The following OSBPL10 variants were observed in gnomAD, a reference collection of about 807,000 sequenced individuals.
The protein encoded by OSBPL10 is oxysterol binding protein like 10.
A neutral mutation model predicts 81.7 loss-of-function variants in OSBPL10; 49 were observed. That is an observed-to-expected ratio of 0.60 (90% CI 0.48 to 0.76). OSBPL10 has a LOEUF of 0.76. OSBPL10 is among the 30% of genes least tolerant of loss of function. The pLI, the probability that OSBPL10 is intolerant of heterozygous loss-of-function variation, is 0.00. For synonymous variants in OSBPL10, 419 were observed against 383.6 expected (o/e 1.09, Z -1.08); for missense variants, 923 against 987.8 (o/e 0.93, Z 0.88).
chr3:32,026,231 A>T (rs1699411936), intron 2 of OSBPL10, among the ~76,000 whole-genome samples: 1 of 152,172 alleles, frequency 6.6e-6, no homozygotes, highest in Admixed American at 6.6e-5. Context: ...TTAAACTGCT[A>T]GGCTCAGTGG....
chr3:31,939,825 T>C (rs1438777243), intron 1 of OSBPL10, among the ~76,000 whole-genome samples: 1 of 152,124 alleles, frequency 6.6e-6, no homozygotes, highest in Non-Finnish European at 1.5e-5. Flanking sequence ...AGTCTCAAAA[T>C]CCTGGGCTTA....
intron 1 of OSBPL10, among the ~76,000 whole-genome samples, chr3:31,970,721 G>A (rs1453400970): frequency 6.6e-6 from 1 of 152,228 alleles, no homozygotes; most frequent in Non-Finnish European, 1.5e-5. Flanking sequence ...CAAATACACA[G>A]GGCCAGCGTT....
intron 1 of OSBPL10, among the ~76,000 whole-genome samples, chr3:31,916,566 C>T (rs1696764926): frequency 1.3e-5 from 2 of 151,998 alleles, no homozygotes; most frequent in South Asian, 4.2e-4. Context: ...TTATCACCCA[C>T]CCCCACAAAT....
In OSBPL10 at chr3:31,799,603, T is replaced by C. The variant is rs535130086; in HGVS notation, c.729+30437A>G. ...AAGATGAATTAGTCACAGTCCCTGG[T>C]ACATTATAAGCACTCAAGAAATGAT... On this transcript the variant is annotated intron_variant, in intron 4 of 11. Transcript: ENST00000396556. 4.6e-4 allele frequency among the ~76,000 whole-genome samples: 70 copies of C among 152,218 alleles called. 1 individual carries two copies. Among genetic ancestry groups the C allele is most frequent in the African/African-American group, 1.5e-3 (64 of 41,522 alleles).
chr3:31,856,069 TACACACACACAC>T (rs10576489), intron 3 of OSBPL10, among the ~76,000 whole-genome samples: 1,592 of 134,470 alleles, frequency 0.012, 34 homozygotes, highest in Admixed American at 0.043. Context: ...ATGTTTATAT[TACACACACACAC>T]ACACACACAC....
chr3:31,863,114 C>T (rs1482025498), intron 3 of OSBPL10, among the ~76,000 whole-genome samples: 3 of 152,158 alleles, frequency 2.0e-5, no homozygotes, highest in Admixed American at 1.3e-4. Flanking sequence ...TATGCTACAA[C>T]ATGGATGAAC....
chr3:31,904,558 G>T (rs1488227212), intron 1 of OSBPL10, among the ~76,000 whole-genome samples: 3 of 152,096 alleles, frequency 2.0e-5, no homozygotes, highest in Non-Finnish European at 4.4e-5. Context: ...TCCAACACAT[G>T]CTCCCAAGCC....
intron 4 of OSBPL10, chr3:31,822,013 A>C (rs1026525544): frequency 6.6e-6 from 1 of 152,270 alleles, no homozygotes; most frequent in African/African-American, 2.4e-5. Context: ...TGGGAACTTC[A>C]TTAAAGGGTC....
chr3:31,677,482 G>A (rs1432898225), intron 8 of OSBPL10, among the ~76,000 whole-genome samples: 1 of 152,180 alleles, frequency 6.6e-6, no homozygotes, highest in Non-Finnish European at 1.5e-5. Flanking sequence ...GCCTTTCACA[G>A]TCTCTCTCCA....
intron 1 of OSBPL10, among the ~76,000 whole-genome samples, chr3:31,916,402 G>T (rs535802685): frequency 1.3e-5 from 2 of 152,248 alleles, no homozygotes; most frequent in South Asian, 2.1e-4. Context: ...AGAGTGAGTG[G>T]CCACCCCACT....
chr3:31,862,275 C>T (rs1419660478), intron 3 of OSBPL10, among the ~76,000 whole-genome samples: 1 of 152,046 alleles, frequency 6.6e-6, no homozygotes, highest in Non-Finnish European at 1.5e-5. Flanking sequence ...CTTTAATGTG[C>T]CCCAGCCTGA....
At chr3:31,965,829 T>TTTA (rs1698370804) in intron 1 of OSBPL10, among the ~76,000 whole-genome samples, 1 of 79,290 alleles carries the variant, frequency 1.3e-5, no homozygotes, top group South Asian at 3.6e-4. Context: ...ATTATATAAA[T>TTTA]ATATAATATA....
intron 1 of OSBPL10, among the ~76,000 whole-genome samples, chr3:31,892,935 A>G (rs1013713785): frequency 2.6e-5 from 4 of 152,132 alleles, no homozygotes; most frequent in African/African-American, 9.7e-5. Context: ...GTATCTGTTA[A>G]CCGGTGGTTG....
intron 2 of OSBPL10, among the ~76,000 whole-genome samples, chr3:32,001,649 A>T (rs552234802): frequency 5.1e-4 from 78 of 152,324 alleles, no homozygotes; most frequent in African/African-American, 1.8e-3. Flanking sequence ...AACTGTTACC[A>T]TCAGTTTTCT....
intron 1 of OSBPL10, among the ~76,000 whole-genome samples, chr3:31,928,709 G>A (rs972393844): frequency 1.4e-5 from 2 of 146,196 alleles, no homozygotes; most frequent in African/African-American, 5.1e-5. Context: ...GAACCTGGGA[G>A]ACAGAGGTTG....
intron 8 of OSBPL10, among the ~76,000 whole-genome samples, chr3:31,680,534 G>A (rs1459717772): frequency 2.6e-5 from 4 of 152,170 alleles, no homozygotes; most frequent in African/African-American, 7.2e-5. Context: ...TGCCTCTCTC[G>A]GGCTCCTCAT....
At chr3:31,677,054 T>TTAC (rs1700498591) in intron 8 of OSBPL10, among the ~76,000 whole-genome samples, 1 of 152,222 alleles carries the variant, frequency 6.6e-6, no homozygotes. Flanking sequence ...GCCCACGTAT[T>TTAC]TACGTTCACA....
rs1553649797 is a variant in OSBPL10, at chr3:32,026,069, A to AGATAGATAGAT, written n.298+20411_298+20421dup. Among the ~76,000 whole-genome samples the AGATAGATAGAT allele has an allele frequency of 3.0e-3, 306 of 101,458 alleles. 1 individual carries two copies. The highest frequency in any genetic ancestry group is 8.8e-3 in the African/African-American group (294 of 33,516). The allele number at this position is 101,458 out of a possible 152,430, so 66.6% of individuals were successfully genotyped here. A position where few individuals can be genotyped will look rare whatever the true frequency, so the allele number is the denominator to read the frequency against. ...ATAGATAGATAGATGATAGATAGAT[A>AGATAGATAGAT]GATAGATAGATAGATAGATAGATGA... On this transcript the variant is annotated intron_variant and non_coding_transcript_variant, in intron 2 of 3. Transcript: ENST00000479173.
chr3:31,822,631 C>G (rs114155520), intron 4 of OSBPL10, among the ~76,000 whole-genome samples: 210 of 152,110 alleles, frequency 1.4e-3, no homozygotes, highest in African/African-American at 4.0e-3. Flanking sequence ...AAGTTAAAGG[C>G]CAGGTGCAGT....
Sources: gnomAD v4.1 joint callset for allele counts (sites outside exome capture counted in the v4.1 genomes callset) on GRCh38, gnomAD v4.1.1 for gene constraint, MANE v1.5 for transcripts, NCBI Gene and HGNC (gene_info 2026-07-23, HGNC 2026-07-21) for gene names.